Variants in NPIPA1 observed in about 807,000 individuals in gnomAD.
The protein encoded by NPIPA1 is nuclear pore complex-interacting protein family member A1.
For missense variants in NPIPA1, 22 were observed against 232.2 expected, an observed-to-expected ratio of 0.09 and a Z score of 5.88; for synonymous variants, 7 against 88.0, an observed-to-expected ratio of 0.08 and a Z score of 5.15.
chr16:14,947,679 G>A (rs1334289069), intron 4 of NPIPA1, among the ~76,000 whole-genome samples: 1 of 152,054 alleles, frequency 6.6e-6, no homozygotes, highest in South Asian at 2.1e-4. Flanking sequence ...TTAGCAATTT[G>A]ATGTATTCAA....
Position 14,949,524 on chromosome 16 carries a change from G to GTCA in NPIPA1, c.545+488_545+490dup. On this transcript the variant is annotated intron_variant, in intron 5 of 7. Coordinates refer to ENST00000328085, the MANE Select transcript of NPIPA1 (RefSeq NM_006985.4). The stretch of plus-strand genomic sequence containing the variant: ...GGGGAAGGAAACTATCATCTCAGAA[G>GTCA]TCAGGCAGTAAGCAAGAGGAGGAAT... 1.2e-4 allele frequency: 8 copies of GTCA among 68,770 alleles called. 4 individuals carry two copies. Among genetic ancestry groups the GTCA allele is most frequent in the South Asian group, 2.2e-4 (2 of 9,050 alleles). 4.3% of individuals were successfully genotyped at this position (68,770 alleles called of 1,614,324 possible).
At chr16:14,948,028 A>G (rs1965933530) in intron 4 of NPIPA1, among the ~76,000 whole-genome samples, 2 of 152,250 alleles carry the variant, frequency 1.3e-5, no homozygotes, top group African/African-American at 4.8e-5. Context: ...TTCTCTTTGA[A>G]GTGTTTTCGT....
In NPIPA1 at chr16:14,945,228, GT is replaced by G. The variant is rs1965855495; in HGVS notation, c.193-345del. Among the ~76,000 whole-genome samples the G allele has an allele frequency of 1.4e-3, 86 of 60,112 alleles. 1 individual carries two copies. The highest frequency in any genetic ancestry group is 5.5e-3 in the African/African-American group (84 of 15,186). The allele number at this position is 60,112 out of a possible 152,430, so 39.4% of individuals were successfully genotyped here. ...GCCAGCCTCATGTCATTCTTGTGTG[GT>G]GTGTGTGTGTGTGTGTGTGTGTGTG... is the stretch of plus-strand genomic sequence containing the variant. On this transcript the variant is annotated intron_variant, in intron 2 of 7. Coordinates refer to ENST00000328085, the MANE Select transcript of NPIPA1 (RefSeq NM_006985.4).
chr16:14,943,486 C>T (rs1965803138), intron 2 of NPIPA1, among the ~76,000 whole-genome samples: 1 of 148,380 alleles, frequency 6.7e-6, no homozygotes, highest in Admixed American at 6.8e-5. Flanking sequence ...CACTTTTTAA[C>T]AATTCCATTT....
intron 1 of NPIPA1, among the ~76,000 whole-genome samples, chr16:14,938,606 G>C (rs1965681056): frequency 7.9e-6 from 1 of 126,504 alleles, no homozygotes; most frequent in African/African-American, 3.0e-5. Context: ...AGAGGCTGAG[G>C]TGGGAGGATC....
intron 4 of NPIPA1, among the ~76,000 whole-genome samples, chr16:14,947,740 C>G (rs1191044770): frequency 6.6e-6 from 1 of 152,244 alleles, no homozygotes; most frequent in Non-Finnish European, 1.5e-5. Context: ...CATCTGAGAT[C>G]AGAAGCTTCA....
At chr16:14,947,386 G>A (rs1411798549) in intron 4 of NPIPA1, among the ~76,000 whole-genome samples, 2 of 151,512 alleles carry the variant, frequency 1.3e-5, no homozygotes, top group African/African-American at 2.4e-5. Flanking sequence ...ACAAAGGCCA[G>A]GGTATTTCCT....
At chr16:14,944,886 G>A (rs1417121922) in intron 2 of NPIPA1, among the ~76,000 whole-genome samples, 1 of 151,480 alleles carries the variant, frequency 6.6e-6, no homozygotes, top group African/African-American at 2.4e-5. Flanking sequence ...TTACAGGCGT[G>A]AGCTACCGCA....
intron 4 of NPIPA1, among the ~76,000 whole-genome samples, chr16:14,946,968 C>T (rs1965903973): frequency 1.3e-5 from 2 of 152,004 alleles, no homozygotes; most frequent in South Asian, 2.1e-4. Flanking sequence ...GCTGGGATTA[C>T]AGGCGTGAGC....
chr16:14,939,914 G>C lies in NPIPA1; in HGVS notation c.64-1898G>C, dbSNP rs1217460936. ...CCTTGGTAATTTTTTTTTTTTTTTTGAGACAGAGTCTCGCTCTGTCACCCA... is the reference window on the plus strand; with the variant it reads ...CCTTGGTAATTTTTTTTTTTTTTTTCAGACAGAGTCTCGCTCTGTCACCCA... On this transcript the variant is annotated intron_variant, in intron 1 of 7. Coordinates refer to ENST00000328085, the MANE Select transcript of NPIPA1 (RefSeq NM_006985.4). 1.7e-4 allele frequency among the ~76,000 whole-genome samples: 5 copies of C among 29,034 alleles called. 2 individuals carry two copies. Among genetic ancestry groups the C allele is most frequent in the African/African-American group, 2.8e-4 (4 of 14,254 alleles). 19.0% of individuals were successfully genotyped at this position (29,034 alleles called of 152,430 possible).
chr16:14,949,554 A>G lies in NPIPA1; in HGVS notation c.546-496A>G, dbSNP rs529407928. 6.0e-3 allele frequency: 2,482 copies of G among 411,298 alleles called. 86 individuals are homozygous for G. Among genetic ancestry groups the G allele is most frequent in the African/African-American group, 0.049 (2,299 of 47,332 alleles). The allele number at this position is 411,298 out of a possible 1,614,324, so 25.5% of individuals were successfully genotyped here. ...GCAGTAAGCAAGAGGAGGAATCAAT[A>G]TAGCAACAGTTTGGATCAGACTGTA... On this transcript the variant is annotated intron_variant, in intron 5 of 7. Transcript: ENST00000328085.
intron 2 of NPIPA1, among the ~76,000 whole-genome samples, chr16:14,944,884 G>A (rs1353146205): frequency 3.0e-4 from 45 of 151,426 alleles, no homozygotes; most frequent in African/African-American, 9.4e-4. Flanking sequence ...GATTACAGGC[G>A]TGAGCTACCG....
At chr16:14,946,502 G>A (rs1445267650) in intron 4 of NPIPA1, among the ~76,000 whole-genome samples, 75 of 151,352 alleles carry the variant, frequency 5.0e-4, no homozygotes, top group Admixed American at 8.0e-4. Context: ...GATTAGAGGC[G>A]TGAGCCACCA....
At chr16:14,943,181 G>A (rs1361284152) in intron 2 of NPIPA1, among the ~76,000 whole-genome samples, 2 of 152,036 alleles carry the variant, frequency 1.3e-5, no homozygotes, top group African/African-American at 4.8e-5. Flanking sequence ...CCCCCAAAAG[G>A]AGTCTCCCTC....
At chr16:14,943,830 A>C (rs1442801041) in intron 2 of NPIPA1, among the ~76,000 whole-genome samples, 6 of 151,960 alleles carry the variant, frequency 3.9e-5, no homozygotes, top group Non-Finnish European at 2.9e-5. Flanking sequence ...ATCAGGAAAA[A>C]ACAAATTCTA....
intron 4 of NPIPA1, among the ~76,000 whole-genome samples, chr16:14,946,483 A>G (rs1429497072): frequency 1.3e-5 from 2 of 151,116 alleles, no homozygotes; most frequent in African/African-American, 4.9e-5. Flanking sequence ...CAGCCTCCCA[A>G]AGTGCTGGGA....
intron 1 of NPIPA1, among the ~76,000 whole-genome samples, chr16:14,938,704 G>A (rs1194821978): frequency 1.3e-5 from 2 of 150,950 alleles, no homozygotes; most frequent in South Asian, 2.1e-4. Flanking sequence ...CCAAAACAAA[G>A]TGAAATGTCA....
intron 1 of NPIPA1, among the ~76,000 whole-genome samples, chr16:14,940,491 G>A (rs1183282735): frequency 6.8e-6 from 1 of 147,682 alleles, no homozygotes; most frequent in East Asian, 2.2e-4. Flanking sequence ...GGTGGATCAT[G>A]AGGTCAGGAG....
At chr16:14,943,270 C>T (rs1295333261) in intron 2 of NPIPA1, among the ~76,000 whole-genome samples, 15 of 151,716 alleles carry the variant, frequency 9.9e-5, no homozygotes, top group African/African-American at 3.4e-4. Flanking sequence ...GATTCCCCTG[C>T]CTCAGCCTCT....
Sources: gnomAD v4.1 joint callset for allele counts (sites outside exome capture counted in the v4.1 genomes callset) on GRCh38, gnomAD v4.1.1 for gene constraint, MANE v1.5 for transcripts, NCBI Gene and HGNC (gene_info 2026-07-23, HGNC 2026-07-21) for gene names.